SVIL: variants seen among roughly 807,000 people sequenced by gnomAD.
The protein encoded by SVIL is supervillin.
A neutral mutation model predicts 240.4 loss-of-function variants in SVIL; 101 were observed. The observed-to-expected ratio is 0.42, with a 90% CI of 0.36 to 0.50. SVIL has a LOEUF of 0.50. SVIL is among the 20% of genes least tolerant of loss of function. SVIL has a pLI of 0.01. For missense variants in SVIL, 2,512 were observed against 2,818.7 expected (o/e 0.89, Z 2.46); for synonymous variants, 999 against 1,100.0 (o/e 0.91, Z 1.82).
At chr10:29,486,294 T>A (rs1225049024) in intron 25 of SVIL, 64 bp from the exon 26 acceptor site, 6 of 1,597,324 alleles carry the variant, frequency 3.8e-6, no homozygotes, top group Non-Finnish European at 5.1e-6. Flanking sequence ...CAATGTAAAA[T>A]GTGAATGAAT....
chr10:29,671,588 T>C (rs569265124), intron 2 of SVIL, among the ~76,000 whole-genome samples: 1 of 152,292 alleles, frequency 6.6e-6, no homozygotes, highest in South Asian at 2.1e-4. Flanking sequence ...CGATCACATA[T>C]CCCCTTCCTT....
At chr10:29,676,504 C>T (rs1148211) in intron 2 of SVIL, among the ~76,000 whole-genome samples, 5,843 of 152,226 alleles carry the variant, frequency 0.038, 164 homozygotes, top group Non-Finnish European at 0.06. Flanking sequence ...ACAAAGCAGT[C>T]TTTGAGCATG....
intron 1 of SVIL, among the ~76,000 whole-genome samples, chr10:29,606,962 C>T (rs1236016728): frequency 6.6e-6 from 1 of 152,126 alleles, no homozygotes; most frequent in Non-Finnish European, 1.5e-5. Flanking sequence ...ACCACGCTGG[C>T]CAGGCTGGCC....
chr10:29,732,584 A>G (rs1272585157), intron 1 of SVIL, among the ~76,000 whole-genome samples: 1 of 152,170 alleles, frequency 6.6e-6, no homozygotes, highest in Non-Finnish European at 1.5e-5. Flanking sequence ...TAGTTTAGCA[A>G]TTTTCAGATC....
At chr10:29,559,310 CTT>C (rs1954237378) in intron 3 of SVIL, among the ~76,000 whole-genome samples, 1 of 141,526 alleles carries the variant, frequency 7.1e-6, no homozygotes. Context: ...TCTTCTTTCT[CTT>C]AAGTATATTT....
chr10:29,588,819 C>T (rs569242217), intron 1 of SVIL, among the ~76,000 whole-genome samples: 1 of 152,230 alleles, frequency 6.6e-6, no homozygotes, highest in South Asian at 2.1e-4. Context: ...CTGACTTCCC[C>T]CTCCTTTGTT....
intron 22 of SVIL, among the ~76,000 whole-genome samples, chr10:29,489,378 G>C (rs924988645): frequency 1.3e-5 from 2 of 152,168 alleles, no homozygotes; most frequent in African/African-American, 4.8e-5. Flanking sequence ...CAAAAGTGGA[G>C]GCAGAGGAAA....
chr10:29,465,781 T>TA (rs1564454208), intron 33 of SVIL, 31 bp from the exon 34 acceptor site: 1 of 1,604,468 alleles, frequency 6.2e-7, no homozygotes, highest in Admixed American at 1.7e-5. Flanking sequence ...AAGCTGAAGA[T>TA]ATCATGTGCA....
chr10:29,584,815 C>T lies in SVIL; in HGVS notation c.-200-15503G>A, dbSNP rs539299097. 2.6e-5 allele frequency among the ~76,000 whole-genome samples: 4 copies of T among 152,232 alleles called. No individual in the cohort carries two copies. In the East Asian group the frequency reaches 7.7e-4, roughly 29 times the overall value. The stretch of plus-strand genomic sequence containing the variant: ...GAAGCATCAGAGCCATCCCTGTAGC[C>T]CAAGTGGAAAAAGAAAATTCAGATA... On this transcript the variant is annotated intron_variant, in intron 1 of 37. Transcript: ENST00000355867.
intron 29 of SVIL, among the ~76,000 whole-genome samples, chr10:29,476,783 C>T (rs372355806): frequency 6.6e-6 from 1 of 152,182 alleles, no homozygotes; most frequent in African/African-American, 2.4e-5. Flanking sequence ...TTTAGTCCTA[C>T]ATGAAACTTA....
At position 29,512,828 on chromosome 10, in the gene SVIL, A is replaced by G. The variant is rs746796903; in HGVS notation, c.3423T>C (p.Asp1141=). The G allele has an allele frequency of 6.2e-7, 1 of 1,612,024 alleles. No homozygotes were observed. Among genetic ancestry groups the G allele is most frequent in the Non-Finnish European group, 8.5e-7 (1 of 1,180,002 alleles). The change falls in exon 17 of 38, where the codon GAT becomes GAC. Residue 1141 remains aspartate (D), a synonymous_variant. Transcript: ENST00000355867. ...GCCTCCTGCTGAGTCTGTTTCTCCA[A>G]TCTTCCTCCCCGCTTTTCTTCAACA... The part of the protein sequence containing the change: ...LALLKKSGEE[D]WRNRLSRRQE...
In SVIL at chr10:29,533,536, T is replaced by A. The variant is rs544571758; in HGVS notation, c.909-78A>T. On this transcript the variant is annotated intron_variant, in intron 7 of 37. Coordinates refer to ENST00000355867, the MANE Select transcript of SVIL (RefSeq NM_021738.3). ...GAGGAAAGCATGCGTAGATCACAGA[T>A]TACCAGTGAATGGAAACTGACCTGA... 84 of 1,500,924 alleles carry A rather than the reference T, an allele frequency of 5.6e-5. No homozygotes were observed. In the African/African-American group the frequency reaches 1.1e-3, roughly 20 times the overall value. The allele number at this position is 1,500,924 out of a possible 1,614,324, so 93.0% of individuals were successfully genotyped here. A position where few individuals can be genotyped will look rare whatever the true frequency, so the allele number is the denominator to read the frequency against.
In SVIL at chr10:29,499,245, C is replaced by T. The variant is rs767342912; in HGVS notation, c.3535G>A (p.Glu1179Lys). Reference protein sequence around the residue: ...LIKKRVTESRESQMTIEERKQ... With the variant: ...LIKKRVTESRKSQMTIEERKQ... The stretch of plus-strand genomic sequence containing the variant: ...CTCTCCTCAATCGTCATTTGGCTCT[C>T]TCGACTTTCTGTGACCCGCTGTTCA... Residue 1179 changes from glutamate (E) to lysine (K), a missense_variant, in exon 18 of 38, where the codon GAG becomes AAG. Glu to Lys is a moderately conservative substitution (Grantham distance 56, BLOSUM62 1). Around this residue, in one of 3 missense-constraint regions of SVIL, gnomAD observed 1,443 missense variants for 1,486.6 expected, o/e 0.97. Coordinates refer to ENST00000355867, the MANE Select transcript of SVIL (RefSeq NM_021738.3). 1.6e-5 allele frequency: 26 copies of T among 1,614,112 alleles called. No homozygotes were observed. In the African/African-American group the frequency reaches 2.0e-4, roughly 12 times the overall value.
intron 3 of SVIL, among the ~76,000 whole-genome samples, chr10:29,557,900 G>T (rs2054326236): frequency 6.6e-6 from 1 of 152,194 alleles, no homozygotes; most frequent in African/African-American, 2.4e-5. Context: ...TCACTATGGG[G>T]GCGCTAATGG....
chr10:29,678,494 G>A lies in SVIL; in HGVS notation c.-301+8059C>T, dbSNP rs139614941. 4.0e-3 allele frequency among the ~76,000 whole-genome samples: 614 copies of A among 152,232 alleles called. 5 individuals carry two copies. Among genetic ancestry groups the A allele is most frequent in the African/African-American group, 0.011 (450 of 41,544 alleles). ...TGCAAATACAGATGAAGTTTCACTC[G>A]TTCACCTGCCGCTCACCTCCTGCTG... is the stretch of plus-strand genomic sequence containing the variant. On this transcript the variant is annotated intron_variant, in intron 2 of 35. Transcript: ENST00000375400.
intron 6 of SVIL, among the ~76,000 whole-genome samples, chr10:29,537,365 G>A (rs1040599158): frequency 6.6e-6 from 1 of 152,168 alleles, no homozygotes; most frequent in African/African-American, 2.4e-5. Context: ...GTAATATATA[G>A]TCCACACATT....
At position 29,532,187 on chromosome 10, in the gene SVIL, G is replaced by A; in HGVS notation, c.1839-15C>T. The A allele has an allele frequency of 5.0e-6, 8 of 1,612,810 alleles. No homozygotes were observed. Among genetic ancestry groups the A allele is most frequent in the Non-Finnish European group, 6.8e-6 (8 of 1,179,570 alleles). On this transcript the variant is annotated splice_polypyrimidine_tract_variant and intron_variant, in intron 8 of 37. Transcript: ENST00000355867. ...CCCGTGATTTGCTTTGAGAATCAAA[G>A]GGCAGAGAGTATAAGGAAGGCAAAC...
chr10:29,687,906 T>C (rs950701304), intron 1 of SVIL, among the ~76,000 whole-genome samples: 2 of 152,056 alleles, frequency 1.3e-5, no homozygotes, highest in African/African-American at 2.4e-5. Context: ...AATTTGGTTA[T>C]CACAAGTTAC....
rs113668853 is a variant in SVIL at position 29,610,448 on chromosome 10, ATTT to A, written c.-201+23969_-201+23971del. Among the ~76,000 whole-genome samples the A allele has an allele frequency of 7.1e-3, 973 of 137,208 alleles. 7 individuals carry two copies. Among genetic ancestry groups the A allele is most frequent in the African/African-American group, 0.019 (688 of 37,014 alleles). The allele number at this position is 137,208 out of a possible 152,430, so 90.0% of individuals were successfully genotyped here. ...CCCAAACAAGCTCCATTCACTCTGC[ATTT>A]TTTTTTTTTTTTTTTTGAGACAGGG... On this transcript the variant is annotated intron_variant, in intron 1 of 37. Coordinates refer to ENST00000355867, the MANE Select transcript of SVIL (RefSeq NM_021738.3).
Sources: allele counts gnomAD v4.1 joint callset (sites outside exome capture counted in the v4.1 genomes callset), GRCh38; gene constraint gnomAD v4.1.1; regional missense constraint gnomAD v4.1.1; transcripts MANE v1.5; gene names NCBI Gene and HGNC (gene_info 2026-07-23, HGNC 2026-07-21).